Variants in CNTN5 observed in about 807,000 individuals in gnomAD.
The protein encoded by CNTN5 is contactin-5.
Under a neutral mutation model 129.1 loss-of-function variants are expected in CNTN5, and 77 were observed. The ratio of observed to expected loss-of-function variants is 0.60; its 90% confidence interval spans 0.50 to 0.72. CNTN5 has a LOEUF of 0.72. CNTN5 is among the 30% of genes least tolerant of loss of function. The probability of loss-of-function intolerance (pLI) is 0.00; values close to 1 mark genes in which losing one functional copy is unlikely to be tolerated. For synonymous variants in CNTN5, 509 were observed against 465.6 expected (o/e 1.09, Z -1.20); for missense variants, 1,478 against 1,328.8 (o/e 1.11, Z -1.75).
intron 9 of CNTN5, among the ~76,000 whole-genome samples, chr11:100,042,316 C>A (rs1942429869): frequency 6.7e-6 from 1 of 149,656 alleles, no homozygotes; most frequent in African/African-American, 2.5e-5. Context: ...TATGTGCTTT[C>A]TTAGAGAAAA....
In CNTN5 at chr11:99,457,901, A is replaced by T. The variant is rs536926208; in HGVS notation, c.-70-98244A>T. 3.2e-4 allele frequency among the ~76,000 whole-genome samples: 49 copies of T among 151,922 alleles called. No homozygotes were observed. The South Asian group carries it at 9.3e-3, about 29-fold the overall frequency. On this transcript the variant is annotated intron_variant, in intron 2 of 24. Coordinates refer to ENST00000524871, the MANE Select transcript of CNTN5 (RefSeq NM_014361.4). ...TTCACTTCCCGCTGCAGGATTTTAG[A>T]TTAATGTAACGTATTTCATTCTTGA...
intron 6 of CNTN5, among the ~76,000 whole-genome samples, chr11:99,860,982 G>A (rs1948187354): frequency 1.6e-5 from 2 of 126,650 alleles, no homozygotes; most frequent in Admixed American, 9.5e-5. Context: ...TTGAGACGGA[G>A]TCTCGCTCTG....
chr11:99,151,242 A>G (rs1242431718), intron 1 of CNTN5, among the ~76,000 whole-genome samples: 1 of 151,998 alleles, frequency 6.6e-6, no homozygotes, highest in Non-Finnish European at 1.5e-5. Context: ...TCCTAGAAAG[A>G]TAGATAGGTT....
intron 3 of CNTN5, among the ~76,000 whole-genome samples, chr11:99,734,173 G>A (rs759407395): frequency 3.9e-5 from 6 of 152,136 alleles, no homozygotes; most frequent in Admixed American, 1.3e-4. Flanking sequence ...CATACACTGC[G>A]TAATAATCAT....
At chr11:100,207,750 T>C (rs1250728573) in intron 15 of CNTN5, among the ~76,000 whole-genome samples, 1 of 152,220 alleles carries the variant, frequency 6.6e-6, no homozygotes, top group African/African-American at 2.4e-5. Flanking sequence ...TGTGACATGC[T>C]TTGCTCACTG....
chr11:100,052,577 G>C (rs1240563115), intron 9 of CNTN5, among the ~76,000 whole-genome samples: 3 of 151,800 alleles, frequency 2.0e-5, no homozygotes, highest in African/African-American at 7.2e-5. Context: ...AAAATAAGGA[G>C]ATATACCGTG....
chr11:99,198,170 T>C (rs568445412), intron 1 of CNTN5, among the ~76,000 whole-genome samples: 1 of 152,252 alleles, frequency 6.6e-6, no homozygotes, highest in African/African-American at 2.4e-5. Context: ...ATTTCTTTTC[T>C]GTCTTCCCCT....
intron 3 of CNTN5, among the ~76,000 whole-genome samples, chr11:99,642,035 T>G (rs1951790092): frequency 6.6e-6 from 1 of 152,134 alleles, no homozygotes; most frequent in Non-Finnish European, 1.5e-5. Context: ...GAAACCCACA[T>G]TAGATCTTCA....
chr11:99,548,992 C>T (rs1301264025), intron 2 of CNTN5, among the ~76,000 whole-genome samples: 1 of 152,072 alleles, frequency 6.6e-6, no homozygotes, highest in East Asian at 1.9e-4. Flanking sequence ...TTTTCACTAT[C>T]ATTGTGTTTC....
chr11:99,507,283 A>C (rs1946660287), intron 2 of CNTN5, among the ~76,000 whole-genome samples: 1 of 149,206 alleles, frequency 6.7e-6, no homozygotes, highest in Non-Finnish European at 1.5e-5. Flanking sequence ...AGGCTGAGGC[A>C]GGAGAATCGC....
intron 1 of CNTN5, among the ~76,000 whole-genome samples, chr11:99,038,919 A>T (rs533511189): frequency 1.3e-5 from 2 of 152,146 alleles, no homozygotes; most frequent in African/African-American, 4.8e-5. Flanking sequence ...AAAATTTCCC[A>T]TCTGTAATTG....
chr11:99,733,810 G>T lies in CNTN5; in HGVS notation c.56-85734G>T, dbSNP rs145314195. Among the ~76,000 whole-genome samples, 859 of 152,250 alleles carry T rather than the reference G, an allele frequency of 5.6e-3. 7 individuals are homozygous for T. The highest frequency in any genetic ancestry group is 0.019 in the African/African-American group (779 of 41,562). On this transcript the variant is annotated intron_variant, in intron 3 of 24. Coordinates refer to ENST00000524871, the MANE Select transcript of CNTN5 (RefSeq NM_014361.4). ...CACACACCAACAATCATGCAAATAT[G>T]TTTAACACACAAGCAGTGATAAAAA...
At chr11:99,997,280 C>T (rs537636098) in intron 8 of CNTN5, among the ~76,000 whole-genome samples, 20 of 152,234 alleles carry the variant, frequency 1.3e-4, no homozygotes, top group Admixed American at 6.5e-4. Flanking sequence ...CTTCTGCTAG[C>T]TTTTGAATGT....
intron 3 of CNTN5, among the ~76,000 whole-genome samples, chr11:99,613,257 C>T (rs1466373774): frequency 2.0e-5 from 3 of 152,174 alleles, no homozygotes; most frequent in Admixed American, 2.0e-4. Flanking sequence ...TTTCCCCGTG[C>T]TGTTCTCTGC....
intron 1 of CNTN5, among the ~76,000 whole-genome samples, chr11:99,033,893 T>C (rs1354067327): frequency 6.6e-6 from 1 of 150,564 alleles, no homozygotes; most frequent in Admixed American, 6.6e-5. Context: ...CAGTATGATA[T>C]TGGCTGTGGG....
chr11:100,341,984 A>T (rs972779242), intron 23 of CNTN5, among the ~76,000 whole-genome samples: 21 of 152,060 alleles, frequency 1.4e-4, no homozygotes, highest in African/African-American at 4.6e-4. Flanking sequence ...CTATCATTAT[A>T]GGTGGGTTTT....
At chr11:99,341,592 T>C (rs2136056476) in intron 2 of CNTN5, among the ~76,000 whole-genome samples, 1 of 152,320 alleles carries the variant, frequency 6.6e-6, no homozygotes, top group East Asian at 1.9e-4. Context: ...ACTGGATCAC[T>C]GTGGAATTCA....
At chr11:99,341,271 A>G (rs887439261) in intron 2 of CNTN5, among the ~76,000 whole-genome samples, 1 of 152,222 alleles carries the variant, frequency 6.6e-6, no homozygotes, top group Non-Finnish European at 1.5e-5. Flanking sequence ...AGATGTAAAT[A>G]TGTATTACAA....
At chr11:99,196,850 G>C (rs1858926251) in intron 1 of CNTN5, among the ~76,000 whole-genome samples, 1 of 151,878 alleles carries the variant, frequency 6.6e-6, no homozygotes, top group African/African-American at 2.4e-5. Flanking sequence ...AAAAGATTAG[G>C]AGGAGTATGT....
Sources: allele counts gnomAD v4.1 joint callset (sites outside exome capture counted in the v4.1 genomes callset), GRCh38; gene constraint gnomAD v4.1.1; transcripts MANE v1.5; gene names NCBI Gene and HGNC (gene_info 2026-07-23, HGNC 2026-07-21).